Variants in DYNC1I1 observed in about 807,000 individuals in gnomAD.
The protein encoded by DYNC1I1 is cytoplasmic dynein 1 intermediate chain 1.
In DYNC1I1, 43 loss-of-function variants were observed where a neutral mutation model predicts 86.6. That is an observed-to-expected ratio of 0.50 (90% CI 0.39 to 0.64). DYNC1I1 has a LOEUF of 0.64. Ranked by LOEUF, DYNC1I1 falls within the 30% of genes least tolerant of loss-of-function variation. The pLI, the probability that DYNC1I1 is intolerant of heterozygous loss-of-function variation, is 0.00. For synonymous variants in DYNC1I1, 262 were observed against 283.7 expected (o/e 0.92, Z 0.77); for missense variants, 604 against 788.8 (o/e 0.77, Z 2.81).
intron 5 of DYNC1I1, among the ~76,000 whole-genome samples, chr7:95,831,818 CTG>C (rs1788911819): frequency 1.3e-5 from 2 of 151,782 alleles, no homozygotes; most frequent in African/African-American, 4.9e-5. Flanking sequence ...TTTAGGGCCT[CTG>C]TGCATTTTTA....
At chr7:96,084,442 CTTTTTTTTTTTTT>C (rs11369815) in intron 16 of DYNC1I1, among the ~76,000 whole-genome samples, 12 of 124,744 alleles carry the variant, frequency 9.6e-5, no homozygotes, top group African/African-American at 3.6e-4. Flanking sequence ...TTTTTCTTTT[CTTTTTTTTTTTTT>C]TTTTGAGACG....
In DYNC1I1 at chr7:96,032,770, C is replaced by T; in HGVS notation, c.1220C>T (p.Ser407Leu). The T allele has an allele frequency of 6.2e-7, 1 of 1,613,018 alleles. No homozygotes were observed. Among genetic ancestry groups the T allele is most frequent in the Non-Finnish European group, 8.5e-7 (1 of 1,179,398 alleles). The change falls in exon 12 of 17, where the codon TCA becomes TTA. Residue 407 changes from serine (S) to leucine (L), a missense_variant. By Grantham distance (145) the Ser-to-Leu change is moderately radical. Transcript: ENST00000447467. ...TGTTCCTGGAGCCTGGACATGCTCT[C>T]AACTCCACAGGTGGGTTTGTTTTTC... is the stretch of plus-strand genomic sequence containing the variant. ...KMCSWSLDML[S>L]TPQESMELVY...
chr7:95,929,007 C>G (rs1791818796), intron 6 of DYNC1I1, among the ~76,000 whole-genome samples: 1 of 152,136 alleles, frequency 6.6e-6, no homozygotes, highest in Non-Finnish European at 1.5e-5. Context: ...TCAAGATACT[C>G]CTCGTTTGAA....
intron 8 of DYNC1I1, among the ~76,000 whole-genome samples, chr7:95,985,501 A>G (rs1279842360): frequency 2.0e-5 from 3 of 152,162 alleles, no homozygotes; most frequent in Non-Finnish European, 4.4e-5. Flanking sequence ...TCCAGGCAAA[A>G]CAAAACTAAT....
intron 13 of DYNC1I1, among the ~76,000 whole-genome samples, chr7:96,037,925 C>T (rs1274232009): frequency 1.3e-5 from 2 of 152,138 alleles, no homozygotes; most frequent in Non-Finnish European, 2.9e-5. Context: ...CAGGGGATTG[C>T]TATTTTTCAC....
At chr7:95,803,363 C>A (rs1201729393) in intron 1 of DYNC1I1, among the ~76,000 whole-genome samples, 2 of 152,170 alleles carry the variant, frequency 1.3e-5, no homozygotes, top group Non-Finnish European at 2.9e-5. Flanking sequence ...TTATAAAGTG[C>A]CTAGCACAGA....
intron 16 of DYNC1I1, among the ~76,000 whole-genome samples, chr7:96,109,002 G>A (rs1239410964): frequency 6.6e-6 from 1 of 151,790 alleles, no homozygotes; most frequent in African/African-American, 2.4e-5. Flanking sequence ...TCATTTATTG[G>A]CATAAATTTG....
chr7:95,898,335 A>G (rs1272523204), intron 6 of DYNC1I1, among the ~76,000 whole-genome samples: 1 of 152,162 alleles, frequency 6.6e-6, no homozygotes, highest in Non-Finnish European at 1.5e-5. Flanking sequence ...TGTTGTTCCA[A>G]GGTTCACTAG....
At chr7:95,997,393 G>A (rs1184717629) in intron 10 of DYNC1I1, among the ~76,000 whole-genome samples, 2 of 151,894 alleles carry the variant, frequency 1.3e-5, no homozygotes, top group Non-Finnish European at 2.9e-5. Context: ...AAATTATTTT[G>A]ATATTACAGA....
intron 14 of DYNC1I1, among the ~76,000 whole-genome samples, chr7:96,068,178 T>A (rs1168206818): frequency 1.3e-5 from 2 of 152,172 alleles, no homozygotes; most frequent in African/African-American, 4.8e-5. Context: ...CACCTCACAT[T>A]TAGAGCATAT....
chr7:95,889,523 C>A (rs965450894), intron 6 of DYNC1I1, among the ~76,000 whole-genome samples: 3 of 152,084 alleles, frequency 2.0e-5, no homozygotes, highest in Admixed American at 6.6e-5. Context: ...CAATACCATT[C>A]AGGACAAAGA....
intron 6 of DYNC1I1, among the ~76,000 whole-genome samples, chr7:95,957,522 C>T (rs1039940854): frequency 2.6e-5 from 4 of 152,164 alleles, no homozygotes; most frequent in Non-Finnish European, 4.4e-5. Context: ...CAGAAGCTCC[C>T]ACTCCCTTGG....
At chr7:95,967,261 G>C (rs982385192) in intron 6 of DYNC1I1, among the ~76,000 whole-genome samples, 2 of 152,112 alleles carry the variant, frequency 1.3e-5, no homozygotes, top group African/African-American at 4.8e-5. Context: ...TGAACAAAAG[G>C]TTGTAGGAAA....
rs533234175 is a variant in DYNC1I1 at position 95,828,481 on chromosome 7, A to T, written c.374+365A>T. Among the ~76,000 whole-genome samples the T allele has an allele frequency of 5.3e-5, 8 of 152,276 alleles. 1 individual carries two copies. The highest frequency in any genetic ancestry group is 4.1e-4 in the South Asian group (2 of 4,824). ...TCCCCTTTACTAACAAGTTGCCTTA[A>T]GTTAACTTTGGTCTAAGATCAGTAT... On this transcript the variant is annotated intron_variant, in intron 5 of 16. Coordinates refer to ENST00000447467, the MANE Select transcript of DYNC1I1 (RefSeq NM_001135556.2).
intron 5 of DYNC1I1, among the ~76,000 whole-genome samples, chr7:95,866,408 A>G (rs1790018978): frequency 6.6e-6 from 1 of 152,146 alleles, no homozygotes; most frequent in Non-Finnish European, 1.5e-5. Context: ...GCAGGAAAAC[A>G]AGGTTTTTAA....
chr7:95,776,048 C>A (rs1054599894), intron 1 of DYNC1I1, among the ~76,000 whole-genome samples: 3 of 152,130 alleles, frequency 2.0e-5, no homozygotes, highest in African/African-American at 7.2e-5. Context: ...GAGTTAGAGA[C>A]CAGGCTGGAG....
chr7:95,908,607 G>A (rs553655093), intron 6 of DYNC1I1, among the ~76,000 whole-genome samples: 35 of 152,078 alleles, frequency 2.3e-4, no homozygotes, highest in South Asian at 6.2e-4. Flanking sequence ...GCATTCAGTC[G>A]TCTGGCCTCT....
intron 5 of DYNC1I1, among the ~76,000 whole-genome samples, chr7:95,857,025 A>G (rs1258014646): frequency 6.6e-6 from 1 of 152,194 alleles, no homozygotes; most frequent in Admixed American, 6.5e-5. Flanking sequence ...CATCTCAACC[A>G]TAGCCTTGTT....
rs1170747875 is a variant in DYNC1I1, at chr7:96,020,181, G to C, written c.970-7994G>C. ...AACCCTTATGTATTGTGGGTGGAAT[G>C]TAAAATGGTGCGGCTGCTTGCATTA... On this transcript the variant is annotated intron_variant, in intron 10 of 16. Coordinates refer to ENST00000447467, the MANE Select transcript of DYNC1I1 (RefSeq NM_001135556.2). Among the ~76,000 whole-genome samples, 3 of 151,632 alleles carry C rather than the reference G, an allele frequency of 2.0e-5. No homozygotes were observed. In the East Asian group the frequency reaches 5.8e-4, roughly 29 times the overall value.
Sources: gnomAD v4.1 joint callset for allele counts (sites outside exome capture counted in the v4.1 genomes callset) on GRCh38, gnomAD v4.1.1 for gene constraint, MANE v1.5 for transcripts, NCBI Gene and HGNC (gene_info 2026-07-23, HGNC 2026-07-21) for gene names.